Variants in RANBP2 observed in about 807,000 individuals in gnomAD.
RANBP2 encodes RAN binding protein 2.
In RANBP2, 57 loss-of-function variants were observed where a neutral mutation model predicts 303.6. That is an observed-to-expected ratio of 0.19 (90% CI 0.15 to 0.23). The LOEUF is 0.23. Among genes scored for constraint, RANBP2 ranks in the 10% least tolerant of loss-of-function variants. The probability of loss-of-function intolerance (pLI) is 1.00; values close to 1 mark genes in which losing one functional copy is unlikely to be tolerated. For synonymous variants in RANBP2, 1,167 were observed against 1,301.5 expected, an observed-to-expected ratio of 0.90 and a Z score of 2.23; for missense variants, 3,138 against 3,780.8, an observed-to-expected ratio of 0.83 and a Z score of 4.46.
chr2:109,345,082 A>T, the RANBP2 span, among the ~76,000 whole-genome samples: 1 of 152,296 alleles, frequency 6.6e-6, no homozygotes, highest in East Asian at 1.9e-4. Flanking sequence ...CCCGTGACTC[A>T]GGAGTGTGTG....
chr2:109,286,925 CAGTG>C, the RANBP2 span, among the ~76,000 whole-genome samples: 1 of 152,220 alleles, frequency 6.6e-6, no homozygotes, highest in African/African-American at 2.4e-5. Context: ...TCTGAAAAGA[CAGTG>C]AGCATTTGTG....
At chr2:108,788,760 T>C (rs1679396336), downstream of RANBP2, 18 of 1,492,668 alleles carry the variant, frequency 1.2e-5, no homozygotes, top group Non-Finnish European at 1.6e-5. Context: ...GAGAAGATTT[T>C]AAAAATAGTA....
At chr2:109,552,982 C>T in the RANBP2 span, 3 of 1,269,548 alleles carry the variant, frequency 2.4e-6, no homozygotes, top group East Asian at 2.4e-5. Context: ...CTTTAAAGAA[C>T]AAGTAGCCTA....
the RANBP2 span, chr2:108,856,629 G>A: frequency 5.5e-6 from 1 of 182,668 alleles, no homozygotes; most frequent in African/African-American, 2.4e-5. Flanking sequence ...ACCCATTTGA[G>A]TTCTGACAAA....
At chr2:109,518,915 CT>C in the RANBP2 span, among the ~76,000 whole-genome samples, 2,046 of 110,986 alleles carry the variant, frequency 0.018, 11 homozygotes, top group African/African-American at 0.03. Context: ...TGCTACATAT[CT>C]TTTTTTTTTT....
intron 20 of RANBP2, 31 bp from the exon 21 acceptor site, chr2:108,771,670 T>C (rs1044505785): frequency 6.2e-7 from 1 of 1,607,880 alleles, no homozygotes; most frequent in African/African-American, 1.3e-5. Flanking sequence ...TAATACCTTA[T>C]CTTTGTCAAT....
chr2:109,424,836 C>T, the RANBP2 span, among the ~76,000 whole-genome samples: 1 of 152,126 alleles, frequency 6.6e-6, no homozygotes, highest in Admixed American at 6.6e-5. Flanking sequence ...CTTTTAGTAA[C>T]GCTAAGTGAC....
At chr2:109,519,239 C>T in the RANBP2 span, among the ~76,000 whole-genome samples, 5 of 152,002 alleles carry the variant, frequency 3.3e-5, no homozygotes, top group African/African-American at 1.2e-4. Context: ...CACTTCTAAA[C>T]AACCAGATCT....
chr2:109,443,290 T>C, the RANBP2 span, among the ~76,000 whole-genome samples: 1 of 152,238 alleles, frequency 6.6e-6, no homozygotes, highest in South Asian at 2.1e-4. Flanking sequence ...GGGATTCAAA[T>C]ACTGTCCAAC....
chr2:109,033,077 G>C, the RANBP2 span, among the ~76,000 whole-genome samples: 1 of 152,202 alleles, frequency 6.6e-6, no homozygotes, highest in East Asian at 1.9e-4. Flanking sequence ...GCCTTAGTAT[G>C]ATCCATGCCT....
the RANBP2 span, among the ~76,000 whole-genome samples, chr2:109,448,947 C>T: frequency 6.6e-6 from 1 of 152,182 alleles, no homozygotes; most frequent in Non-Finnish European, 1.5e-5. Context: ...TGAGCCGTGG[C>T]AGGGCCCCCT....
the RANBP2 span, among the ~76,000 whole-genome samples, chr2:109,037,687 TAACAC>T: frequency 1.3e-5 from 2 of 152,196 alleles, no homozygotes; most frequent in Non-Finnish European, 2.9e-5. Context: ...CTAGCATTAA[TAACAC>T]AATACCATTT....
At chr2:109,164,240 A>G in the RANBP2 span, among the ~76,000 whole-genome samples, 1 of 152,046 alleles carries the variant, frequency 6.6e-6, no homozygotes, top group East Asian at 1.9e-4. Flanking sequence ...GTGCAGTAAC[A>G]TGACTGATCA....
At chr2:108,749,574 A>C (rs1197750282) in intron 9 of RANBP2, among the ~76,000 whole-genome samples, 1 of 151,880 alleles carries the variant, frequency 6.6e-6, no homozygotes, top group African/African-American at 2.4e-5. Context: ...CTGGGATTAC[A>C]GGTGTGAGCC....
the RANBP2 span, among the ~76,000 whole-genome samples, chr2:109,335,023 C>T: frequency 3.3e-5 from 5 of 152,260 alleles, no homozygotes; most frequent in Non-Finnish European, 7.3e-5. Context: ...GCGTTGGCGA[C>T]TTACATGTGC....
At chr2:109,288,992 A>T in the RANBP2 span, among the ~76,000 whole-genome samples, 1 of 152,332 alleles carries the variant, frequency 6.6e-6, no homozygotes, top group Admixed American at 6.5e-5. Context: ...ATAAAAAATC[A>T]TTCTGGCTGG....
the RANBP2 span, among the ~76,000 whole-genome samples, chr2:109,426,667 A>G: frequency 4.6e-5 from 7 of 152,222 alleles, no homozygotes; most frequent in Admixed American, 3.9e-4. Context: ...TAAACAGTTG[A>G]TGAAGCAGCA....
chr2:108,762,250 G>A (rs1558916592), intron 19 of RANBP2, 55 bp downstream of exon 19: 9 of 1,457,202 alleles, frequency 6.2e-6, no homozygotes, highest in Non-Finnish European at 8.1e-6. Flanking sequence ...AATTGTTTAG[G>A]GTTCCTTCAA....
the RANBP2 span, among the ~76,000 whole-genome samples, chr2:109,147,536 A>G: frequency 6.6e-6 from 1 of 152,236 alleles, no homozygotes; most frequent in Non-Finnish European, 1.5e-5. Context: ...ACTAAATGGA[A>G]TGCTAAACAT....
Sources: allele counts gnomAD v4.1 joint callset (sites outside exome capture counted in the v4.1 genomes callset), GRCh38; gene constraint gnomAD v4.1.1; transcripts MANE v1.5; gene names NCBI Gene and HGNC (gene_info 2026-07-23, HGNC 2026-07-21).